FBXL13: variants seen among roughly 807,000 people sequenced by gnomAD.
FBXL13 encodes the protein F-box and leucine-rich repeat protein 13.
FBXL13 carries 67 observed loss-of-function variants against 83.6 expected under a neutral mutation model. The ratio of observed to expected loss-of-function variants is 0.80; its 90% CI spans 0.66 to 0.98. The LOEUF (loss-of-function observed/expected upper bound fraction) is 0.98. Ranked by LOEUF, FBXL13 falls within the 50% of genes least tolerant of loss-of-function variation. The pLI, the probability that FBXL13 is intolerant of heterozygous loss-of-function variation, is 0.00. For missense variants in FBXL13, 822 were observed against 866.5 expected (o/e 0.95, Z 0.64); for synonymous variants, 272 against 299.5 (o/e 0.91, Z 0.95).
chr7:103,027,518 C>T (rs375744935), exon 5 of FBXL13: 6 of 1,612,944 alleles, frequency 3.7e-6, no homozygotes, highest in African/African-American at 1.3e-5. Context: ...TAATGGTTAG[C>T]TTGTGACAAT....
At chr7:103,005,041 T>A (rs1438434298) in intron 6 of FBXL13, among the ~76,000 whole-genome samples, 1 of 152,212 alleles carries the variant, frequency 6.6e-6, no homozygotes, top group African/African-American at 2.4e-5. Context: ...ACTGAGTACC[T>A]TGGTTAAGAG....
At chr7:102,959,413 T>C (rs1651874616) in intron 8 of FBXL13, among the ~76,000 whole-genome samples, 1 of 152,180 alleles carries the variant, frequency 6.6e-6, no homozygotes, top group Non-Finnish European at 1.5e-5. Context: ...TATGTGTGTG[T>C]ACTTAAAAAT....
intron 2 of FBXL13, among the ~76,000 whole-genome samples, chr7:103,052,062 G>T (rs940957522): frequency 6.6e-5 from 10 of 152,316 alleles, no homozygotes; most frequent in African/African-American, 2.4e-4. Context: ...TCACTGTGCA[G>T]AACTGTGTAG....
At chr7:103,050,290 T>C (rs1168485806) in intron 2 of FBXL13, among the ~76,000 whole-genome samples, 2 of 152,346 alleles carry the variant, frequency 1.3e-5, no homozygotes, top group East Asian at 1.9e-4. Context: ...AAGAAATTCT[T>C]ACCCTTTTAC....
intron 7 of FBXL13, among the ~76,000 whole-genome samples, chr7:102,965,320 T>G (rs143777630): frequency 6.6e-6 from 1 of 152,158 alleles, no homozygotes; most frequent in Non-Finnish European, 1.5e-5. Flanking sequence ...AGGCTTAGTT[T>G]TTTTTCATCT....
At chr7:102,832,764 G>A in intron 18 of FBXL13, 76 bp downstream of exon 19, 3 of 1,568,048 alleles carry the variant, frequency 1.9e-6, no homozygotes, top group Non-Finnish European at 8.7e-7. Flanking sequence ...TCTGAGTCCA[G>A]CCCTGATCGC....
intron 6 of FBXL13, chr7:102,973,719 A>G (rs1260077036): frequency 1.3e-6 from 1 of 766,200 alleles, no homozygotes; most frequent in East Asian, 2.4e-5. Flanking sequence ...GAAGCTCCTC[A>G]GCCTCCAGTT....
At chr7:102,908,243 A>G (rs1455944317) in intron 11 of FBXL13, among the ~76,000 whole-genome samples, 1 of 152,138 alleles carries the variant, frequency 6.6e-6, no homozygotes, top group East Asian at 1.9e-4. Flanking sequence ...TTTCAGCTCC[A>G]GAATTTGTTT....
chr7:102,812,898 AG>A (rs1366404065), downstream of FBXL13, among the ~76,000 whole-genome samples: 2 of 142,082 alleles, frequency 1.4e-5, no homozygotes, highest in Admixed American at 1.5e-4. Flanking sequence ...GCTGGAATGC[AG>A]TGACGTGATC....
At chr7:102,906,772 CCT>C (rs1813815740) in intron 11 of FBXL13, among the ~76,000 whole-genome samples, 1 of 152,146 alleles carries the variant, frequency 6.6e-6, no homozygotes, top group Admixed American at 6.5e-5. Context: ...CCTTTAGGAT[CCT>C]CTCTTTGTCC....
At position 103,060,020 on chromosome 7, in the gene FBXL13, T is replaced by TTATATATATA. The variant is rs772728840; in HGVS notation, c.-104-4283_-104-4274dup. ...CAACAGATAATGATAGCAAGATATT[T>TTATATATATA]TATATATATATATATATATATATAT... is the stretch of plus-strand genomic sequence containing the variant. On this transcript the variant is annotated intron_variant, in intron 1 of 19. Transcript: ENST00000313221. Among the ~76,000 whole-genome samples the TTATATATATA allele has an allele frequency of 8.9e-3, 447 of 49,970 alleles. 18 individuals carry two copies. The highest frequency in any genetic ancestry group is 0.012 in the Non-Finnish European group (301 of 24,644). The allele number at this position is 49,970 out of a possible 152,430, so 32.8% of individuals were successfully genotyped here. A position where few individuals can be genotyped will look rare whatever the true frequency, so the allele number is the denominator to read the frequency against.
chr7:103,028,979 G>A (rs1161131456), intron 3 of FBXL13, among the ~76,000 whole-genome samples: 4 of 151,890 alleles, frequency 2.6e-5, no homozygotes, highest in African/African-American at 9.7e-5. Flanking sequence ...GAAATCATGG[G>A]ATAAAATCAT....
At chr7:102,934,703 TTTTTCA>T (rs750768621) in intron 8 of FBXL13, 41 of 1,554,596 alleles carry the variant, frequency 2.6e-5, no homozygotes, top group Middle Eastern at 1.7e-4. Flanking sequence ...CTTTTCTTAC[TTTTTCA>T]TTTTCATGAA....
At chr7:102,934,386 T>A in intron 8 of FBXL13, 1 of 1,614,202 alleles carries the variant, frequency 6.2e-7, no homozygotes, top group South Asian at 1.1e-5. Flanking sequence ...TTGAGCTACC[T>A]GCGTCTTTAT....
At chr7:102,940,723 T>G (rs1346908036) in intron 8 of FBXL13, among the ~76,000 whole-genome samples, 1 of 152,206 alleles carries the variant, frequency 6.6e-6, no homozygotes, top group Non-Finnish European at 1.5e-5. Flanking sequence ...CTCCATTTGC[T>G]AAGCAAAGCC....
At chr7:102,971,148 G>A (rs1826603490) in intron 6 of FBXL13, among the ~76,000 whole-genome samples, 1 of 152,180 alleles carries the variant, frequency 6.6e-6, no homozygotes, top group Admixed American at 6.5e-5. Flanking sequence ...AAGTGAAACT[G>A]CAAAAGGCCA....
intron 10 of FBXL13, among the ~76,000 whole-genome samples, chr7:102,921,055 G>A (rs1816891921): frequency 6.6e-6 from 1 of 152,148 alleles, no homozygotes; most frequent in Admixed American, 6.5e-5. Flanking sequence ...GGGAGGCTGA[G>A]GCAGGAGAAT....
At chr7:102,943,263 C>T (rs1194129134) in intron 8 of FBXL13, among the ~76,000 whole-genome samples, 1 of 151,598 alleles carries the variant, frequency 6.6e-6, no homozygotes, top group African/African-American at 2.4e-5. Context: ...TTTATCTGCA[C>T]TTGTCTTACA....
At chr7:102,998,605 T>A (rs1790060617) in intron 6 of FBXL13, among the ~76,000 whole-genome samples, 1 of 152,148 alleles carries the variant, frequency 6.6e-6, no homozygotes, top group East Asian at 1.9e-4. Context: ...GATTTTTTTA[T>A]CCTGCAACTT....
Sources: gnomAD v4.1 joint callset for allele counts (sites outside exome capture counted in the v4.1 genomes callset) on GRCh38, gnomAD v4.1.1 for gene constraint, MANE v1.5 for transcripts, NCBI Gene and HGNC (gene_info 2026-07-23, HGNC 2026-07-21) for gene names.